HUWE1: variants seen among roughly 807,000 people sequenced by gnomAD.
The protein encoded by HUWE1 is HECT, UBA and WWE domain containing E3 ubiquitin protein ligase 1.
HUWE1 carries 18 observed loss-of-function variants against 299.4 expected under a neutral mutation model. That is an observed-to-expected ratio of 0.06 (90% CI 0.04 to 0.09). The LOEUF (loss-of-function observed/expected upper bound fraction) is 0.09. HUWE1 is among the 10% of genes least tolerant of loss of function. HUWE1 has a pLI of 1.00. For missense variants in HUWE1, 1,832 were observed against 3,462.3 expected (o/e 0.53, Z 11.82); for synonymous variants, 1,317 against 1,286.1 (o/e 1.02, Z -0.51).
intron 29 of HUWE1, among the ~76,000 whole-genome samples, chrX:53,596,213 A>G (rs2064457323): frequency 8.9e-6 from 1 of 112,058 alleles, no homozygotes; most frequent in South Asian, 3.7e-4. Flanking sequence ...CTTGATCAAC[A>G]CAGGTTTTCA....
chrX:53,561,642 C>T (rs2062298723), intron 55 of HUWE1, 114 bp downstream of exon 55: 4 of 1,069,835 alleles, frequency 3.7e-6, no homozygotes, highest in Non-Finnish European at 5.1e-6. Flanking sequence ...AGGAAGTCAG[C>T]ATAGGAAAAG....
chrX:53,670,019 A>AAC (rs1314845915), intron 3 of HUWE1, among the ~76,000 whole-genome samples: 1 of 112,251 alleles, frequency 8.9e-6, no homozygotes, highest in Non-Finnish European at 1.9e-5. Flanking sequence ...TTTAATTTGA[A>AAC]AAAGTTTTAC....
chrX:53,546,249 A>C (rs1215660921), intron 70 of HUWE1, among the ~76,000 whole-genome samples, 187 bp downstream of exon 70: 4 of 111,331 alleles, frequency 3.6e-5, no homozygotes, highest in Non-Finnish European at 7.5e-5. Flanking sequence ...GCTTTCAAAC[A>C]ACTGAGCAGA....
chrX:53,668,487 A>G (rs1354686528), intron 3 of HUWE1, among the ~76,000 whole-genome samples: 5 of 109,886 alleles, frequency 4.6e-5, no homozygotes, highest in Admixed American at 9.7e-5. Context: ...CCACTGGAAG[A>G]AAAGTAAAAA....
intron 23 of HUWE1, among the ~76,000 whole-genome samples, chrX:53,611,723 T>C (rs1417717454): frequency 9.1e-6 from 1 of 109,614 alleles, no homozygotes; most frequent in African/African-American, 3.3e-5. Context: ...CAAGGCATGG[T>C]GGCACGTGTC....
In HUWE1 at chrX:53,585,002, G is replaced by C. The variant is rs1339460950; in HGVS notation, c.5001+10C>G. 1 of 1,209,696 alleles carries C rather than the reference G, an allele frequency of 8.3e-7. No individual in the cohort carries two copies. Among genetic ancestry groups the C allele is most frequent in the Non-Finnish European group, 1.1e-6 (1 of 894,824 alleles). On this transcript the variant is annotated intron_variant, in intron 40 of 83. Coordinates refer to ENST00000262854, the MANE Select transcript of HUWE1 (RefSeq NM_031407.7). Reference sequence around the variant, plus strand: ...CACGGGTTAGACAAGCTTGGTGAGTGAGCATGTACCTGCACCATTGTAGTG... The same window carrying C: ...CACGGGTTAGACAAGCTTGGTGAGTCAGCATGTACCTGCACCATTGTAGTG...
intron 2 of HUWE1, among the ~76,000 whole-genome samples, chrX:53,683,019 G>A (rs6638417): frequency 0.35 from 39,155 of 110,740 alleles, 5,777 homozygotes; most frequent in South Asian, 0.51. Context: ...ATGAAGACTT[G>A]AGGAAATGGA....
At chrX:53,685,732 C>T (rs2070407563) in intron 2 of HUWE1, among the ~76,000 whole-genome samples, 1 of 111,828 alleles carries the variant, frequency 8.9e-6, no homozygotes, top group Non-Finnish European at 1.9e-5. Flanking sequence ...TAAATTAGTA[C>T]AGGCTTTTGG....
rs782455645 is a variant in HUWE1 at position 53,545,106 on chromosome X, T to A, written c.10971A>T (p.Gln3657His). 2 of 1,209,898 alleles carry A rather than the reference T, an allele frequency of 1.7e-6. No individual in the cohort carries two copies. Among genetic ancestry groups the A allele is most frequent in the Non-Finnish European group, 2.2e-6 (2 of 894,651 alleles). The stretch of plus-strand genomic sequence containing the variant: ...GGCCATCAGGAGAGAGGGTTTCACA[T>A]TGGGCTCGCCGCTGCTGCTCGAGGT... ...EYNLEQQRRA[Q>H]CETLSPDGLP... Residue 3657 changes from glutamine (Q) to histidine (H), a missense_variant, in exon 71 of 84, where the codon CAA becomes CAT. Gln to His is a conservative substitution (Grantham distance 24, BLOSUM62 0). Coordinates refer to ENST00000262854, the MANE Select transcript of HUWE1 (RefSeq NM_031407.7).
At chrX:53,603,947 GC>G (rs781942611) in intron 26 of HUWE1, among the ~76,000 whole-genome samples, 1 of 111,607 alleles carries the variant, frequency 9.0e-6, no homozygotes, top group African/African-American at 3.3e-5. Flanking sequence ...CAATCCCTAA[GC>G]TTTGTTAAGT....
At chrX:53,615,709 C>T in intron 22 of HUWE1, 35 bp downstream of exon 22, 1 of 1,098,434 alleles carries the variant, frequency 9.1e-7, no homozygotes, top group Non-Finnish European at 1.3e-6. Flanking sequence ...TCTCTGCTCT[C>T]TCATGCTCAT....
chrX:53,645,565 T>G (rs2067917822), intron 6 of HUWE1, 102 bp from the exon 7 acceptor site: 2 of 839,561 alleles, frequency 2.4e-6, no homozygotes, highest in African/African-American at 4.2e-5. Flanking sequence ...ATCAAGAAGT[T>G]TAGTCACAAC....
At chrX:53,548,532 C>A (rs994368108) in intron 67 of HUWE1, among the ~76,000 whole-genome samples, 3 of 113,023 alleles carry the variant, frequency 2.7e-5, no homozygotes, top group Non-Finnish European at 5.6e-5. Context: ...GATAACTACA[C>A]TTCCTTGCAA....
chrX:53,626,216 CGTGTGTGTGTGTGTGTGTGT>C (rs58080331), intron 17 of HUWE1, among the ~76,000 whole-genome samples: 2 of 94,900 alleles, frequency 2.1e-5, no homozygotes, highest in Admixed American at 1.2e-4. Context: ...CATACATACA[CGTGTGTGTGTGTGTGTGTGT>C]GTGTGTGTGT....
rs782583389 is a variant in HUWE1 at position 53,581,020 on chromosome X, G to A, written c.5527C>T (p.Arg1843Cys). 5.0e-6 allele frequency: 6 copies of A among 1,198,440 alleles called. No individual in the cohort carries two copies. The highest frequency in any genetic ancestry group is 3.0e-5 in the East Asian group (1 of 33,517). The change falls in exon 43 of 84, where the codon CGC becomes TGC. Residue 1843 changes from arginine to cysteine, a missense_variant. Coordinates refer to ENST00000262854, the MANE Select transcript of HUWE1 (RefSeq NM_031407.7). Reference protein sequence around the residue: ...TLRHTMEKVVRSAATSGAGST... With the variant: ...TLRHTMEKVVCSAATSGAGST... The stretch of plus-strand genomic sequence containing the variant: ...CCAGCTCCACTTGTAGCTGCTGAGC[G>A]AACAACCTAGTAAAGAGAGAAAGAA...
intron 42 of HUWE1, 23 bp from the exon 43 acceptor site, chrX:53,581,049 C>T (rs782276158): frequency 1.7e-6 from 2 of 1,147,504 alleles, no homozygotes; most frequent in Non-Finnish European, 2.4e-6. Context: ...GAAAGAAACA[C>T]TGTCGATTAA....
intron 3 of HUWE1, among the ~76,000 whole-genome samples, chrX:53,655,359 G>A (rs1219181087): frequency 1.8e-5 from 2 of 111,333 alleles, no homozygotes; most frequent in Non-Finnish European, 3.8e-5. Flanking sequence ...TTGCCTGTAC[G>A]ACCTGTATCC....
intron 7 of HUWE1, among the ~76,000 whole-genome samples, chrX:53,634,639 T>C (rs1410505707): frequency 8.9e-6 from 1 of 112,728 alleles, no homozygotes; most frequent in Admixed American, 9.3e-5. Context: ...TTATATTCCA[T>C]ACCCCTGTAG....
chrX:53,612,363 G>A (rs1320846613), intron 23 of HUWE1, among the ~76,000 whole-genome samples: 1 of 112,021 alleles, frequency 8.9e-6, no homozygotes, highest in African/African-American at 3.2e-5. Context: ...CTGCATCTTA[G>A]AAGTTACATA....
Sources: allele counts gnomAD v4.1 joint callset (sites outside exome capture counted in the v4.1 genomes callset), GRCh38; gene constraint gnomAD v4.1.1; transcripts MANE v1.5; gene names NCBI Gene and HGNC (gene_info 2026-07-23, HGNC 2026-07-21).